Variants in NTRK3 observed in about 807,000 individuals in gnomAD.
NTRK3 encodes NT-3 growth factor receptor.
In NTRK3, 24 loss-of-function variants were observed where a neutral mutation model predicts 91.7. The ratio of observed to expected loss-of-function variants is 0.26; its 90% confidence interval spans 0.19 to 0.37. The LOEUF is 0.37. Ranked by LOEUF, NTRK3 falls within the 10% of genes least tolerant of loss-of-function variation. The pLI is 1.00. For missense variants in NTRK3, 880 were observed against 1,068.9 expected, an observed-to-expected ratio of 0.82 and a Z score of 2.46; for synonymous variants, 483 against 404.0, an observed-to-expected ratio of 1.20 and a Z score of -2.34.
intron 7 of NTRK3, among the ~76,000 whole-genome samples, 187 bp from the exon 8 acceptor site, chr15:88,136,796 C>T (rs566098440): frequency 6.6e-6 from 1 of 152,336 alleles, no homozygotes; most frequent in East Asian, 1.9e-4. Context: ...GACATCAGAA[C>T]TCAGAATTGA....
chr15:87,939,242 A>C (rs1052571686), intron 15 of NTRK3, among the ~76,000 whole-genome samples: 1 of 152,200 alleles, frequency 6.6e-6, no homozygotes, highest in Non-Finnish European at 1.5e-5. Context: ...GATAGAAACA[A>C]ATGCCAACTA....
At chr15:88,136,987 A>T (rs890797392) in intron 7 of NTRK3, among the ~76,000 whole-genome samples, 11 of 152,280 alleles carry the variant, frequency 7.2e-5, no homozygotes, top group African/African-American at 2.4e-4. Context: ...GATTTCTGGG[A>T]CCCATCCCCA....
chr15:87,997,284 G>A (rs2075775073), intron 14 of NTRK3, among the ~76,000 whole-genome samples: 1 of 152,162 alleles, frequency 6.6e-6, no homozygotes, highest in South Asian at 2.1e-4. Context: ...AATGCGAGCT[G>A]TAAACAATAT....
intron 13 of NTRK3, among the ~76,000 whole-genome samples, chr15:88,050,489 G>A (rs894977164): frequency 1.7e-5 from 2 of 119,294 alleles, no homozygotes; most frequent in African/African-American, 3.9e-5. Context: ...TATATACCGT[G>A]TGTGTGTGTG....
chr15:88,147,289 A>G (rs1414105174), intron 6 of NTRK3, 46 bp downstream of exon 6: 2 of 1,559,748 alleles, frequency 1.3e-6, no homozygotes, highest in Non-Finnish European at 1.8e-6. Flanking sequence ...CCATCCACCC[A>G]TTACCAGCAC....
At chr15:87,955,004 A>G (rs1485596833) in intron 14 of NTRK3, among the ~76,000 whole-genome samples, 6 of 152,226 alleles carry the variant, frequency 3.9e-5, no homozygotes, top group Non-Finnish European at 7.3e-5. Context: ...CTAACTAGCT[A>G]TGTGACACCA....
intron 14 of NTRK3, among the ~76,000 whole-genome samples, chr15:87,996,954 A>T (rs1481821870): frequency 1.3e-5 from 2 of 152,210 alleles, no homozygotes; most frequent in African/African-American, 4.8e-5. Context: ...GAGGCAGGAG[A>T]TACAACAACA....
At chr15:88,139,267 C>T (rs2042162281) in intron 6 of NTRK3, among the ~76,000 whole-genome samples, 1 of 152,114 alleles carries the variant, frequency 6.6e-6, no homozygotes, top group Non-Finnish European at 1.5e-5. Context: ...TTAATCAATC[C>T]AAAACTCAGA....
Position 87,883,594 on chromosome 15 carries a change from T to C in NTRK3, c.2134-3166A>G, listed in dbSNP as rs560771834. On this transcript the variant is annotated intron_variant, in intron 17 of 18. Transcript: ENST00000394480. ...TATGAGTGTTGTGATTGTGTGCATCTTTCAGCTTCCTTAAAAAATTGCACA... is the reference window on the plus strand; with the variant it reads ...TATGAGTGTTGTGATTGTGTGCATCCTTCAGCTTCCTTAAAAAATTGCACA... Among the ~76,000 whole-genome samples the C allele has an allele frequency of 4.6e-5, 7 of 151,334 alleles. No individual in the cohort carries two copies. In the South Asian group the frequency reaches 1.5e-3, roughly 31 times the overall value.
intron 5 of NTRK3, among the ~76,000 whole-genome samples, chr15:88,183,021 C>G (rs915178197): frequency 6.5e-4 from 93 of 142,440 alleles, no homozygotes; most frequent in Non-Finnish European, 1.3e-3. Flanking sequence ...AACCCCCCCC[C>G]GCCCCCCGCC....
chr15:88,186,434 G>C (rs531656903), intron 3 of NTRK3, among the ~76,000 whole-genome samples: 15 of 152,242 alleles, frequency 9.9e-5, no homozygotes, highest in Non-Finnish European at 1.9e-4. Context: ...ACTCCTTGCT[G>C]CAAAGAGTCC....
rs1024907298 is a variant in NTRK3 at position 88,228,341 on chromosome 15, T to G, written c.248+27565A>C. Among the ~76,000 whole-genome samples the G allele has an allele frequency of 3.9e-5, 6 of 152,054 alleles. 1 individual carries two copies. The highest frequency in any genetic ancestry group is 4.1e-4 in the South Asian group (2 of 4,820). On this transcript the variant is annotated intron_variant, in intron 3 of 18. Transcript: ENST00000394480. ...GAGAGATTCCACACCTCCCGCTGGATCTCCCCATCCTGGCTGTCTGCTACT... is the reference window on the plus strand; with the variant it reads ...GAGAGATTCCACACCTCCCGCTGGAGCTCCCCATCCTGGCTGTCTGCTACT...
At chr15:88,051,380 T>G (rs1284167688) in intron 13 of NTRK3, among the ~76,000 whole-genome samples, 1 of 152,228 alleles carries the variant, frequency 6.6e-6, no homozygotes, top group Non-Finnish European at 1.5e-5. Context: ...GTTTGCCTAT[T>G]GCCTCTCTGT....
intron 14 of NTRK3, among the ~76,000 whole-genome samples, chr15:88,018,057 C>A (rs1305134101): frequency 2.0e-5 from 3 of 152,152 alleles, no homozygotes; most frequent in Admixed American, 1.3e-4. Flanking sequence ...GATCCACCAG[C>A]GACAGGATAA....
chr15:88,197,320 T>C (rs1427183705), intron 3 of NTRK3, among the ~76,000 whole-genome samples: 1 of 152,136 alleles, frequency 6.6e-6, no homozygotes, highest in East Asian at 1.9e-4. Context: ...GCTTCTATCT[T>C]AGACAGCCTC....
At chr15:88,147,523 TC>T (rs1369496505) in intron 5 of NTRK3, 120 bp from the exon 6 acceptor site, 2 of 364,560 alleles carry the variant, frequency 5.5e-6, no homozygotes, top group African/African-American at 5.9e-5. Flanking sequence ...TTCTTCTTCT[TC>T]TTCTTCTTCT....
chr15:88,193,833 GA>G (rs967489219), intron 3 of NTRK3, among the ~76,000 whole-genome samples: 3 of 151,846 alleles, frequency 2.0e-5, no homozygotes, highest in Admixed American at 6.5e-5. Flanking sequence ...TCTACAAAAA[GA>G]AAAAAAACCT....
At chr15:88,165,089 G>A (rs952410458) in intron 5 of NTRK3, among the ~76,000 whole-genome samples, 3 of 152,166 alleles carry the variant, frequency 2.0e-5, no homozygotes, top group African/African-American at 7.2e-5. Flanking sequence ...CTGAGTTGAG[G>A]AGGCCATAGA....
chr15:88,109,528 C>T (rs980792326), intron 13 of NTRK3, among the ~76,000 whole-genome samples: 2 of 152,124 alleles, frequency 1.3e-5, no homozygotes, highest in African/African-American at 2.4e-5. Context: ...GTGCCAGAGA[C>T]GTCGTGGGAG....
Sources: allele counts gnomAD v4.1 joint callset (sites outside exome capture counted in the v4.1 genomes callset), GRCh38; gene constraint gnomAD v4.1.1; transcripts MANE v1.5; gene names NCBI Gene and HGNC (gene_info 2026-07-23, HGNC 2026-07-21).